PANK1: variants seen among roughly 807,000 people sequenced by gnomAD.
The protein encoded by PANK1 is pantothenate kinase 1, also known as pantothenic acid kinase 1.
In PANK1, 18 loss-of-function variants were observed where a neutral mutation model predicts 40.1. The ratio of observed to expected loss-of-function variants is 0.45; its 90% CI spans 0.31 to 0.67. The LOEUF (loss-of-function observed/expected upper bound fraction) is 0.67, where lower values mean the gene tolerates loss of function less well. PANK1 is among the 30% of genes least tolerant of loss of function. The pLI is 0.06. For missense variants in PANK1, 457 were observed against 599.6 expected (o/e 0.76, Z 2.48); for synonymous variants, 242 against 237.7 (o/e 1.02, Z -0.17).
At chr10:89,640,723 C>A (rs1410620472) in intron 1 of PANK1, among the ~76,000 whole-genome samples, 1 of 152,202 alleles carries the variant, frequency 6.6e-6, no homozygotes, top group Non-Finnish European at 1.5e-5. Flanking sequence ...CCCACACAGA[C>A]AAAACAGCCT....
At chr10:89,585,224 TCCCTTAGA>T (rs1374549124) in intron 6 of PANK1, among the ~76,000 whole-genome samples, 6 of 152,052 alleles carry the variant, frequency 3.9e-5, no homozygotes. Flanking sequence ...GCAAGGGAGC[TCCCTTAGA>T]CCTTTTTATA....
At position 89,644,793 on chromosome 10, in the gene PANK1, G is replaced by A. The variant is rs941127729; in HGVS notation, c.99C>T (p.Asn33=). The change falls in exon 1 of 7, where the codon AAC becomes AAT. Residue 33 remains asparagine, a synonymous_variant. Coordinates refer to ENST00000307534, the MANE Select transcript of PANK1 (RefSeq NM_148977.3). ...SAAAVNGLLH[N]GFHPPPVQPP... is the part of the protein sequence containing the mutation. ...GCTGGACTGGCGGCGGATGGAAGCC[G>A]TTGTGCAGCAGCCCGTTCACAGCGG... 1.3e-6 allele frequency: 2 copies of A among 1,488,804 alleles called. No individual in the cohort carries two copies. Among genetic ancestry groups the A allele is most frequent in the Non-Finnish European group, 1.8e-6 (2 of 1,126,524 alleles). The allele number at this position is 1,488,804 out of a possible 1,614,324, so 92.2% of individuals were successfully genotyped here.
At chr10:89,607,131 A>T (rs1439772625) in intron 2 of PANK1, among the ~76,000 whole-genome samples, 2 of 152,206 alleles carry the variant, frequency 1.3e-5, no homozygotes, top group Non-Finnish European at 2.9e-5. Context: ...TGCCTTTCTC[A>T]CTAAGCGTAA....
chr10:89,618,322 G>T (rs74527700), intron 1 of PANK1, among the ~76,000 whole-genome samples: 1 of 152,154 alleles, frequency 6.6e-6, no homozygotes, highest in Non-Finnish European at 1.5e-5. Context: ...TACAATGTGT[G>T]GGGGGGTGGT....
intron 1 of PANK1, among the ~76,000 whole-genome samples, chr10:89,631,894 C>T (rs150358189): frequency 1.8e-4 from 27 of 151,194 alleles, no homozygotes; most frequent in Admixed American, 1.1e-3. Flanking sequence ...AATTGTGCAT[C>T]ATAAAACACA....
At chr10:89,590,901 A>T (rs1266118575) in intron 5 of PANK1, among the ~76,000 whole-genome samples, 2 of 152,138 alleles carry the variant, frequency 1.3e-5, no homozygotes, top group African/African-American at 4.8e-5. Flanking sequence ...AAGAGGGAAG[A>T]AGGAGAGAGG....
At position 89,631,635 on chromosome 10, in the gene PANK1, G is replaced by C. The variant is rs1296130487; in HGVS notation, c.292+12965C>G. 2.0e-5 allele frequency among the ~76,000 whole-genome samples: 3 copies of C among 152,328 alleles called. No individual in the cohort carries two copies. In the East Asian group the frequency reaches 5.8e-4, roughly 29 times the overall value. On this transcript the variant is annotated intron_variant, in intron 1 of 6. Transcript: ENST00000307534. ...ATTTCCAGACAAAAATTATGTAGGA[G>C]ATACTAATCACTCTTAGTCCAGTGA...
intron 2 of PANK1, among the ~76,000 whole-genome samples, chr10:89,601,341 G>T (rs1464800136): frequency 6.8e-6 from 1 of 146,186 alleles, no homozygotes; most frequent in African/African-American, 2.5e-5. Context: ...AAAAAGCCTG[G>T]TGTGGGGTAC....
At chr10:89,614,121 A>G (rs1267978440) in intron 1 of PANK1, 1 of 431,330 alleles carries the variant, frequency 2.3e-6, no homozygotes, top group African/African-American at 2.0e-5. Context: ...GAAATATACT[A>G]TGGCATGTTA....
chr10:89,601,308 T>TGAA (rs1844777093), intron 2 of PANK1, among the ~76,000 whole-genome samples: 3 of 89,502 alleles, frequency 3.4e-5, no homozygotes, highest in African/African-American at 1.5e-4. Context: ...GACCCATCTC[T>TGAA]TAAAAAAAAA....
chr10:89,636,733 G>A (rs550157271), intron 1 of PANK1, among the ~76,000 whole-genome samples: 2 of 148,236 alleles, frequency 1.3e-5, no homozygotes, highest in Admixed American at 1.3e-4. Flanking sequence ...TTACAGGCAT[G>A]AGCCACCGCA....
intron 2 of PANK1, among the ~76,000 whole-genome samples, chr10:89,605,891 T>C (rs11185781): frequency 0.031 from 4,747 of 152,302 alleles, 228 homozygotes; most frequent in African/African-American, 0.11. Flanking sequence ...AACTTGTAAT[T>C]ATTCCTTGAT....
intron 3 of PANK1, among the ~76,000 whole-genome samples, chr10:89,598,161 A>AG (rs1844666986): frequency 6.6e-6 from 1 of 152,232 alleles, no homozygotes; most frequent in African/African-American, 2.4e-5. Flanking sequence ...AAAGAAAAAA[A>AG]GATGTCAAAC....
intron 2 of PANK1, among the ~76,000 whole-genome samples, chr10:89,607,123 C>A (rs1467477502): frequency 1.3e-5 from 2 of 152,190 alleles, no homozygotes; most frequent in Non-Finnish European, 2.9e-5. Flanking sequence ...TTTCACCATG[C>A]CTTTCTCACT....
chr10:89,600,441 C>T (rs940047549), intron 2 of PANK1, among the ~76,000 whole-genome samples: 9 of 152,198 alleles, frequency 5.9e-5, no homozygotes, highest in Non-Finnish European at 8.8e-5. Flanking sequence ...TTTCTCAAAC[C>T]TCAGTGCCCT....
At chr10:89,584,817 G>A (rs1441398122) in intron 6 of PANK1, among the ~76,000 whole-genome samples, 1 of 152,128 alleles carries the variant, frequency 6.6e-6, no homozygotes, top group East Asian at 1.9e-4. Flanking sequence ...CCCTTGCAGG[G>A]TCACAGGTCT....
chr10:89,596,123 T>C (rs761676463), intron 3 of PANK1, among the ~76,000 whole-genome samples: 9 of 152,088 alleles, frequency 5.9e-5, no homozygotes, highest in Non-Finnish European at 1.0e-4. Context: ...CATTCTACAT[T>C]GCTGGTTTCA....
chr10:89,626,864 C>G (rs989336833), intron 1 of PANK1, among the ~76,000 whole-genome samples: 1 of 152,126 alleles, frequency 6.6e-6, no homozygotes, highest in Admixed American at 6.5e-5. Context: ...AGAGGTTTAG[C>G]TTTCTGTCTT....
intron 1 of PANK1, among the ~76,000 whole-genome samples, chr10:89,636,797 C>T (rs1399685980): frequency 1.3e-5 from 2 of 151,744 alleles, no homozygotes; most frequent in African/African-American, 2.4e-5. Context: ...CTTAACACCA[C>T]ATGGATGCCA....
Sources: gnomAD v4.1 joint callset for allele counts (sites outside exome capture counted in the v4.1 genomes callset) on GRCh38, gnomAD v4.1.1 for gene constraint, MANE v1.5 for transcripts, NCBI Gene and HGNC (gene_info 2026-07-23, HGNC 2026-07-21) for gene names.